The following SPTAN1 variants were observed in gnomAD, a reference collection of about 807,000 sequenced individuals.
The protein encoded by SPTAN1 is spectrin alpha chain, non-erythrocytic 1.
In SPTAN1, 61 loss-of-function variants were observed where a neutral mutation model predicts 331.3. The observed-to-expected ratio is 0.18, with a 90% CI of 0.15 to 0.23. The LOEUF is 0.23. Ranked by LOEUF, SPTAN1 falls within the 10% of genes least tolerant of loss-of-function variation. The pLI is 1.00. For missense variants in SPTAN1, 2,043 were observed against 3,147.9 expected (o/e 0.65, Z 8.40); for synonymous variants, 1,153 against 1,173.9 (o/e 0.98, Z 0.36).
intron 37 of SPTAN1, among the ~76,000 whole-genome samples, chr9:128,610,564 T>C (rs1856451434): frequency 6.6e-6 from 1 of 152,110 alleles, no homozygotes; most frequent in African/African-American, 2.4e-5. Context: ...TAGTTGTTTT[T>C]TTTTTGCCCC....
chr9:128,570,072 T>G (rs1224996847), intron 3 of SPTAN1, among the ~76,000 whole-genome samples: 3 of 152,070 alleles, frequency 2.0e-5, no homozygotes, highest in Admixed American at 2.0e-4. Context: ...TCACACTATT[T>G]TATATACAGT....
At chr9:128,619,131 C>T in intron 44 of SPTAN1, 128 bp downstream of exon 44, 3 of 1,390,934 alleles carry the variant, frequency 2.2e-6, no homozygotes, top group Middle Eastern at 2.5e-4. Context: ...GCAGCCAAGG[C>T]CTCAGTAGTT....
chr9:128,584,550 A>C (rs780787520), intron 17 of SPTAN1, 25 bp downstream of exon 17: 2 of 1,613,922 alleles, frequency 1.2e-6, no homozygotes, highest in Non-Finnish European at 1.7e-6. Context: ...CTCAGGTAGG[A>C]ATCAACTTGG....
At chr9:128,615,479 A>T (rs1857053378) in intron 40 of SPTAN1, among the ~76,000 whole-genome samples, 153 bp from the exon 41 acceptor site, 2 of 152,198 alleles carry the variant, frequency 1.3e-5, no homozygotes, top group Admixed American at 6.5e-5. Context: ...ATGTTATGAA[A>T]ATAGTGTGAG....
At position 128,624,654 on chromosome 9, in the gene SPTAN1, C is replaced by T. The variant is rs1276479722; in HGVS notation, c.5992+167C>T. 5.7e-6 allele frequency: 5 copies of T among 883,350 alleles called. No homozygotes were observed. The East Asian group carries it at 1.3e-4, about 24-fold the overall frequency. The allele number at this position is 883,350 out of a possible 1,614,324, so 54.7% of individuals were successfully genotyped here. ...CTGCCAGCTAGGAGGAGACAGTGTC[C>T]TGAGGCCAGAACTGCCACCCGGAAC... On this transcript the variant is annotated intron_variant, in intron 46 of 56. Transcript: ENST00000372739.
In SPTAN1 at chr9:128,579,718, T is replaced by G. The variant is rs144787939; in HGVS notation, c.1303T>G (p.Ser435Ala). 2.9e-3 allele frequency: 4,713 copies of G among 1,614,010 alleles called. 14 individuals carry two copies. Among genetic ancestry groups the G allele is most frequent in the Non-Finnish European group, 3.8e-3 (4,441 of 1,179,924 alleles). Residue 435 changes from serine (S) to alanine (A), a missense_variant, in exon 10 of 57, where the codon TCA becomes GCA. By Grantham distance (99) the Ser-to-Ala change is moderately conservative. Transcript: ENST00000372739. ...ACTGCTTGCTGCTGGTCACTATGCC[T>G]CAGATGAAGTGAGGGAGAAGGTAAG... ...QALLAAGHYASDEVREKLTVL... is the reference protein window; with the variant it reads ...QALLAAGHYAADEVREKLTVL...
At chr9:128,628,022 G>A (rs375648005) in intron 51 of SPTAN1, 80 bp downstream of exon 51, 3 of 1,569,218 alleles carry the variant, frequency 1.9e-6, no homozygotes, top group East Asian at 2.2e-5. Flanking sequence ...GGCTTGTGGA[G>A]GATCCCGGGA....
intron 45 of SPTAN1, 143 bp downstream of exon 45, chr9:128,621,399 G>A: frequency 1.4e-6 from 1 of 728,154 alleles, no homozygotes; most frequent in South Asian, 1.5e-5. Flanking sequence ...CCATTCCTGT[G>A]TTTCGTGACA....
At chr9:128,617,602 GCAGAGAC>G (rs1857329335) in intron 41 of SPTAN1, 31 bp from the exon 42 acceptor site, 10 of 1,613,768 alleles carry the variant, frequency 6.2e-6, no homozygotes, top group Non-Finnish European at 8.5e-6. Context: ...GCAGGGAGGT[GCAGAGAC>G]TGACTGTGCT....
In SPTAN1 at chr9:128,632,796, C is replaced by A; in HGVS notation, c.7161-12C>A. 1 of 1,614,076 alleles carries A rather than the reference C, an allele frequency of 6.2e-7. No homozygotes were observed. Among genetic ancestry groups the A allele is most frequent in the Non-Finnish European group, 8.5e-7 (1 of 1,180,048 alleles). On this transcript the variant is annotated splice_polypyrimidine_tract_variant and intron_variant, in intron 55 of 56. Transcript: ENST00000372739. ...CCCTCCCTGCTCAGGCTCTTGCTTC[C>A]CCCGCTCCTAGAGATGGCCATGTCT...
In SPTAN1 at chr9:128,584,706, G is replaced by A. The variant is rs201319189; in HGVS notation, c.2438-15G>A. 9.5e-5 allele frequency: 154 copies of A among 1,614,144 alleles called. No homozygotes were observed. The highest frequency in any genetic ancestry group is 1.2e-4 in the Non-Finnish European group (146 of 1,180,032). ...CTTCATGGTTGGATAACTGGGGACT[G>A]GTGTCTGCTTTCAGGTAAGGATTTA... On this transcript the variant is annotated splice_polypyrimidine_tract_variant and intron_variant, in intron 17 of 56. Transcript: ENST00000372739.
chr9:128,553,874 A>G (rs117767685), intron 1 of SPTAN1, among the ~76,000 whole-genome samples: 1,947 of 152,278 alleles, frequency 0.013, 26 homozygotes, highest in South Asian at 0.064. Context: ...CGTCATAGCA[A>G]TTGGCCTTAA....
intron 1 of SPTAN1, among the ~76,000 whole-genome samples, chr9:128,558,092 C>T (rs200728908): frequency 3.3e-5 from 5 of 152,122 alleles, no homozygotes; most frequent in Admixed American, 1.3e-4. Flanking sequence ...CGTGAGCCAC[C>T]GCGCCCAGCT....
Position 128,553,366 on chromosome 9 carries a change from A to C in SPTAN1, c.-4+670A>C, listed in dbSNP as rs1848333423. The C allele has an allele frequency of 5.5e-5, 8 of 144,840 alleles. No homozygotes were observed. In the Admixed American group the frequency reaches 5.7e-4, roughly 10 times the overall value. The allele number at this position is 144,840 out of a possible 1,614,324, so 9.0% of individuals were successfully genotyped here. ...GTGATTTGCTTGTAAATAATAGGTA[A>C]ATGCAGTGCTTGCATGGTATGTGGC... On this transcript the variant is annotated intron_variant, in intron 1 of 56. Coordinates refer to ENST00000372739, the MANE Select transcript of SPTAN1 (RefSeq NM_001130438.3).
rs62584813 is a variant in SPTAN1, at chr9:128,559,838, G to A, written c.-3-6900G>A. 2.9e-3 allele frequency among the ~76,000 whole-genome samples: 418 copies of A among 144,838 alleles called. 4 individuals are homozygous for A. Among genetic ancestry groups the A allele is most frequent in the Non-Finnish European group, 4.8e-3 (316 of 65,740 alleles). On this transcript the variant is annotated intron_variant, in intron 1 of 56. Coordinates refer to ENST00000372739, the MANE Select transcript of SPTAN1 (RefSeq NM_001130438.3). ...CAACCTCTGCCTCCCGGGTTCAAGCGATTCTCCTGTCTCAGCCTCCCAGGT... is the reference window on the plus strand; with the variant it reads ...CAACCTCTGCCTCCCGGGTTCAAGCAATTCTCCTGTCTCAGCCTCCCAGGT...
At chr9:128,559,655 A>C (rs1015151879) in intron 1 of SPTAN1, among the ~76,000 whole-genome samples, 15 of 152,292 alleles carry the variant, frequency 9.8e-5, no homozygotes, top group African/African-American at 3.6e-4. Context: ...CTGTTTCCTG[A>C]GGGTTGAGAA....
chr9:128,624,561 C>G, intron 46 of SPTAN1, 74 bp downstream of exon 46: 1 of 1,560,184 alleles, frequency 6.4e-7, no homozygotes, highest in Non-Finnish European at 8.7e-7. Flanking sequence ...CATTGGTTTT[C>G]TTCTGCAGAG....
chr9:128,615,271 T>G (rs982930718), intron 40 of SPTAN1, among the ~76,000 whole-genome samples: 2 of 152,172 alleles, frequency 1.3e-5, no homozygotes, highest in African/African-American at 4.8e-5. Flanking sequence ...AAAATTAACT[T>G]TCACTGCCTT....
At chr9:128,579,949 T>C (rs1851742243) in intron 10 of SPTAN1, among the ~76,000 whole-genome samples, 2 of 152,222 alleles carry the variant, frequency 1.3e-5, no homozygotes, top group Admixed American at 1.3e-4. Flanking sequence ...ATGTGTGGCA[T>C]GTTTCCTACT....
Sources: allele counts gnomAD v4.1 joint callset (sites outside exome capture counted in the v4.1 genomes callset), GRCh38; gene constraint gnomAD v4.1.1; transcripts MANE v1.5; gene names NCBI Gene and HGNC (gene_info 2026-07-23, HGNC 2026-07-21).